Variants in USP9Y observed in about 807,000 individuals in gnomAD.
The protein encoded by USP9Y is ubiquitin specific peptidase 9 Y-linked.
In USP9Y, 41 loss-of-function variants were observed where a neutral mutation model predicts 53.1. The observed-to-expected ratio is 0.77, with a 90% CI of 0.60 to 1.00. USP9Y has a LOEUF of 1.00. Among genes scored for constraint, USP9Y ranks in the 50% least tolerant of loss-of-function variants. The probability of loss-of-function intolerance (pLI) is 0.00; values close to 1 mark genes in which losing one functional copy is unlikely to be tolerated. For missense variants in USP9Y, 567 were observed against 535.8 expected, an observed-to-expected ratio of 1.06 and a Z score of -0.58; for synonymous variants, 220 against 173.7, an observed-to-expected ratio of 1.27 and a Z score of -2.09.
intron 32 of USP9Y, among the ~76,000 whole-genome samples, chrY:12,817,026 A>G: frequency 2.9e-5 from 1 of 34,645 alleles, no homozygotes; most frequent in African/African-American, 1.1e-4. Context: ...TGGGAGGTCA[A>G]GGCGGGCAGA....
chrY:12,763,001 A>G, intron 15 of USP9Y, among the ~76,000 whole-genome samples: 1 of 33,550 alleles, frequency 3.0e-5, no homozygotes, highest in Non-Finnish European at 7.4e-5. Context: ...AACAAAAACT[A>G]TGGTGATTGC....
chrY:12,789,865 C>G, intron 24 of USP9Y, among the ~76,000 whole-genome samples: 2 of 32,517 alleles, frequency 6.2e-5, no homozygotes, highest in Non-Finnish European at 1.5e-4. Flanking sequence ...GCCTAGTCAC[C>G]TGTGGCAAAG....
intron 33 of USP9Y, among the ~76,000 whole-genome samples, chrY:12,825,706 A>T (rs918161802): frequency 5.1e-4 from 17 of 33,172 alleles, no homozygotes; most frequent in African/African-American, 2.0e-3. Flanking sequence ...AAGATAAATA[A>T]TAATAGTATT....
intron 12 of USP9Y, among the ~76,000 whole-genome samples, chrY:12,756,299 A>G: frequency 3.1e-5 from 1 of 32,707 alleles, no homozygotes; most frequent in Non-Finnish European, 7.5e-5. Flanking sequence ...TTCTTTCTAT[A>G]GTTTTTGCTT....
intron 31 of USP9Y, among the ~76,000 whole-genome samples, chrY:12,813,565 C>G: frequency 3.0e-5 from 1 of 33,146 alleles, no homozygotes; most frequent in Non-Finnish European, 7.4e-5. Context: ...AGAACTGAAA[C>G]TCAGAGTGGG....
chrY:12,731,544 A>T, intron 7 of USP9Y, among the ~76,000 whole-genome samples: 1 of 33,950 alleles, frequency 2.9e-5, no homozygotes, highest in Non-Finnish European at 7.3e-5. Flanking sequence ...TAATACAGAC[A>T]TAAGTTTTTT....
chrY:12,775,609 A>G, intron 18 of USP9Y, 43 bp downstream of exon 18: 1 of 260,063 alleles, frequency 3.8e-6, no homozygotes, highest in East Asian at 1.0e-4. Context: ...CAATTGGGTT[A>G]AGTTGTTGGG....
chrY:12,844,900 G>C (rs769916144), intron 39 of USP9Y, among the ~76,000 whole-genome samples: 1 of 33,623 alleles, frequency 3.0e-5, no homozygotes, highest in African/African-American at 1.2e-4. Flanking sequence ...TTTAAGGGTG[G>C]AAGAAGCAGC....
chrY:12,810,504 T>G, intron 28 of USP9Y, among the ~76,000 whole-genome samples, 168 bp from the exon 29 acceptor site: 1 of 33,703 alleles, frequency 3.0e-5, no homozygotes, highest in Non-Finnish European at 7.4e-5. Context: ...GGTCTATAGA[T>G]GTACTATATA....
intron 32 of USP9Y, among the ~76,000 whole-genome samples, chrY:12,816,988 G>A (rs967761348): frequency 5.7e-5 from 2 of 34,838 alleles, no homozygotes; most frequent in Non-Finnish European, 1.4e-4. Context: ...GGCTGGGCAT[G>A]TGGCTCACGC....
intron 34 of USP9Y, among the ~76,000 whole-genome samples, chrY:12,836,017 A>T: frequency 3.1e-5 from 1 of 32,702 alleles, no homozygotes; most frequent in Non-Finnish European, 7.5e-5. Context: ...TATAGTGATT[A>T]TTCAAAAGTG....
Position 12,786,248 on chromosome Y carries a change from C to A in USP9Y, c.3197C>A (p.Ala1066Glu). ...EKLRAVCLDH[A>E]KLGEGKLSPP... is the part of the protein sequence containing the mutation. ...TTACGAGCTGTTTGTTTGGACCATG[C>A]AAAACTTGGAGAAGGCAAACTTAGT... Residue 1066 changes from alanine (A) to glutamate (E), a missense_variant, in exon 23 of 46, where the codon GCA becomes GAA. By Grantham distance (107) the Ala-to-Glu change is moderately radical. Coordinates refer to ENST00000338981, the MANE Select transcript of USP9Y (RefSeq NM_004654.4). 1 of 398,519 alleles carries A rather than the reference C, an allele frequency of 2.5e-6. No individual in the cohort carries two copies. The highest frequency in any genetic ancestry group is 3.5e-6 in the Non-Finnish European group (1 of 283,319).
chrY:12,724,626 T>C, intron 5 of USP9Y, among the ~76,000 whole-genome samples: 3 of 33,752 alleles, frequency 8.9e-5, no homozygotes, highest in Non-Finnish European at 2.2e-4. Context: ...CACATGGATC[T>C]TGCTTTTCTT....
intron 24 of USP9Y, among the ~76,000 whole-genome samples, chrY:12,788,002 G>A: frequency 5.9e-5 from 2 of 33,682 alleles, no homozygotes; most frequent in Admixed American, 2.7e-4. Context: ...TATGTTTAAT[G>A]TACGACTGTC....
intron 12 of USP9Y, among the ~76,000 whole-genome samples, chrY:12,750,111 C>T (rs2053463216): frequency 3.1e-5 from 1 of 32,147 alleles, no homozygotes; most frequent in Non-Finnish European, 7.6e-5. Context: ...GTTTTCAGTT[C>T]AACTGTGCTA....
Position 12,757,417 on chromosome Y carries a change from G to T in USP9Y, c.1629+19G>T. ...TTCCCAGGTATGGGAGTGTTTCTTT[G>T]TTCAGTTTTCTGACTTTCCTTCACA... On this transcript the variant is annotated intron_variant, in intron 13 of 45. Coordinates refer to ENST00000338981, the MANE Select transcript of USP9Y (RefSeq NM_004654.4). The T allele has an allele frequency of 2.6e-6, 1 of 385,332 alleles. No homozygotes were observed. The highest frequency in any genetic ancestry group is 3.7e-6 in the Non-Finnish European group (1 of 271,630).
intron 3 of USP9Y, among the ~76,000 whole-genome samples, chrY:12,710,200 C>T (rs376020519): frequency 4.5e-4 from 15 of 33,471 alleles, no homozygotes; most frequent in African/African-American, 9.3e-4. Context: ...CCTCAGTTTT[C>T]ATATCTATAA....
At chrY:12,756,517 G>A in intron 12 of USP9Y, among the ~76,000 whole-genome samples, 1 of 33,009 alleles carries the variant, frequency 3.0e-5, no homozygotes, top group African/African-American at 1.2e-4. Context: ...ATATTTAGAA[G>A]TCTCTGTGAG....
intron 3 of USP9Y, among the ~76,000 whole-genome samples, chrY:12,717,535 T>C (rs2053432029): frequency 3.1e-5 from 1 of 32,211 alleles, no homozygotes. Context: ...GCGGATCCCC[T>C]CGTAGGGCTG....
Sources: allele counts gnomAD v4.1 joint callset (sites outside exome capture counted in the v4.1 genomes callset), GRCh38; gene constraint gnomAD v4.1.1; transcripts MANE v1.5; gene names NCBI Gene and HGNC (gene_info 2026-07-23, HGNC 2026-07-21).